The following PDE4D variants were observed in gnomAD, a reference collection of about 807,000 sequenced individuals.
PDE4D encodes the protein 3',5'-cyclic-AMP phosphodiesterase 4D.
In PDE4D, 24 loss-of-function variants were observed where a neutral mutation model predicts 87.4. The observed-to-expected ratio is 0.27, with a 90% confidence interval of 0.20 to 0.39. The LOEUF is 0.39. Ranked by LOEUF, PDE4D falls within the 10% of genes least tolerant of loss-of-function variation. The pLI, the probability that PDE4D is intolerant of heterozygous loss-of-function variation, is 1.00. For synonymous variants in PDE4D, 384 were observed against 383.2 expected, an observed-to-expected ratio of 1.00 and a Z score of -0.02; for missense variants, 714 against 1,041.0, an observed-to-expected ratio of 0.69 and a Z score of 4.32.
At chr5:60,375,517 G>C (rs1369398583) in intron 1 of PDE4D, among the ~76,000 whole-genome samples, 1 of 152,164 alleles carries the variant, frequency 6.6e-6, no homozygotes, top group Non-Finnish European at 1.5e-5. Flanking sequence ...ATCATTTATT[G>C]AGTACTTAAT....
At chr5:59,691,267 A>C in intron 1 of PDE4D, among the ~76,000 whole-genome samples, 1 of 152,192 alleles carries the variant, frequency 6.6e-6, no homozygotes, top group East Asian at 1.9e-4. Context: ...AGACACATGC[A>C]CATGTATGTT....
chr5:59,759,890 T>C (rs2150771001), intron 1 of PDE4D, among the ~76,000 whole-genome samples: 1 of 152,268 alleles, frequency 6.6e-6, no homozygotes, highest in East Asian at 1.9e-4. Context: ...CGGGTATTAT[T>C]ACCATAAGAG....
chr5:59,041,870 T>C (rs1350909887), intron 5 of PDE4D, among the ~76,000 whole-genome samples: 1 of 152,242 alleles, frequency 6.6e-6, no homozygotes, highest in Non-Finnish European at 1.5e-5. Flanking sequence ...TTTTGGCTAA[T>C]GCTTCAAGAC....
intron 1 of PDE4D, among the ~76,000 whole-genome samples, chr5:59,521,680 G>A (rs1311597592): frequency 1.3e-5 from 2 of 152,044 alleles, no homozygotes; most frequent in African/African-American, 4.8e-5. Context: ...ATAACTTCCT[G>A]GTTAATTCTT....
chr5:59,301,826 C>T (rs1770314727), intron 1 of PDE4D, among the ~76,000 whole-genome samples: 1 of 152,064 alleles, frequency 6.6e-6, no homozygotes, highest in Non-Finnish European at 1.5e-5. Flanking sequence ...ATGCAATTGT[C>T]AGGGGCCTCC....
At chr5:60,192,558 C>A (rs1000648792) in intron 1 of PDE4D, among the ~76,000 whole-genome samples, 13 of 151,946 alleles carry the variant, frequency 8.6e-5, no homozygotes, top group Non-Finnish European at 1.0e-4. Context: ...AATATGAGAA[C>A]CTTCATGATG....
intron 1 of PDE4D, 68 bp downstream of exon 1, chr5:59,893,100 G>C (rs1751199742): frequency 6.9e-7 from 1 of 1,450,322 alleles, no homozygotes; most frequent in African/African-American, 1.4e-5. Context: ...AGCCGACTTA[G>C]ATGGAGTATT....
intron 1 of PDE4D, among the ~76,000 whole-genome samples, chr5:60,245,542 T>C (rs190398831): frequency 6.6e-6 from 1 of 152,010 alleles, no homozygotes; most frequent in East Asian, 1.9e-4. Context: ...CATTAGCAGA[T>C]TAATGGATAA....
chr5:59,361,078 A>C (rs952253185), intron 1 of PDE4D, among the ~76,000 whole-genome samples: 2 of 152,130 alleles, frequency 1.3e-5, no homozygotes, highest in Admixed American at 6.6e-5. Flanking sequence ...TTTTTTTAGC[A>C]ATTTGGAAAA....
chr5:59,818,397 A>G (rs918046852), intron 1 of PDE4D, among the ~76,000 whole-genome samples: 3 of 152,230 alleles, frequency 2.0e-5, no homozygotes, highest in African/African-American at 7.2e-5. Context: ...TCAGTGCTCA[A>G]TAAATAGTAG....
chr5:60,100,424 G>T (rs991621113), intron 2 of PDE4D, among the ~76,000 whole-genome samples: 1 of 151,894 alleles, frequency 6.6e-6, no homozygotes, highest in Non-Finnish European at 1.5e-5. Flanking sequence ...AATTTAGGAA[G>T]GAAGAGATAA....
At chr5:60,173,538 A>G (rs1338003229) in intron 2 of PDE4D, among the ~76,000 whole-genome samples, 2 of 151,990 alleles carry the variant, frequency 1.3e-5, no homozygotes, top group Admixed American at 6.6e-5. Context: ...TGAATTATGA[A>G]TGATGGCTGT....
At chr5:59,944,714 T>C (rs552642417) in intron 3 of PDE4D, among the ~76,000 whole-genome samples, 12 of 152,224 alleles carry the variant, frequency 7.9e-5, no homozygotes, top group Non-Finnish European at 1.6e-4. Context: ...ATTCACCCTT[T>C]ACTTAATGAT....
At chr5:59,382,445 G>A (rs1786071701) in intron 1 of PDE4D, among the ~76,000 whole-genome samples, 1 of 152,064 alleles carries the variant, frequency 6.6e-6, no homozygotes, top group Non-Finnish European at 1.5e-5. Flanking sequence ...TCTCAAATCA[G>A]AGGATATTTT....
chr5:60,330,733 G>A (rs1583442245), intron 1 of PDE4D, among the ~76,000 whole-genome samples: 1 of 152,210 alleles, frequency 6.6e-6, no homozygotes, highest in Non-Finnish European at 1.5e-5. Context: ...GACTACAGAA[G>A]CATATATGGT....
At chr5:60,389,747 G>A (rs1196806401) in intron 1 of PDE4D, among the ~76,000 whole-genome samples, 1 of 152,028 alleles carries the variant, frequency 6.6e-6, no homozygotes, top group East Asian at 1.9e-4. Flanking sequence ...GCTGGGTTCT[G>A]GGAGCAAGCC....
At chr5:59,440,015 C>T (rs951674225) in intron 1 of PDE4D, among the ~76,000 whole-genome samples, 2 of 152,128 alleles carry the variant, frequency 1.3e-5, no homozygotes, top group Admixed American at 6.5e-5. Context: ...CTAACGTCAC[C>T]TAGAGCTTAA....
At chr5:60,377,966 G>A (rs982644529) in intron 1 of PDE4D, among the ~76,000 whole-genome samples, 2 of 152,088 alleles carry the variant, frequency 1.3e-5, no homozygotes, top group African/African-American at 2.4e-5. Context: ...GTCTCTTTCT[G>A]ACCTGGCTCC....
rs748480243 is a variant in PDE4D at position 60,330,661 on chromosome 5, C to G, written c.-89-144974G>C. Among the ~76,000 whole-genome samples, 102 of 152,344 alleles carry G rather than the reference C, an allele frequency of 6.7e-4. No individual in the cohort carries two copies. The Middle Eastern group carries it at 0.01, about 15-fold the overall frequency. ...TGAGAAACAGGCATTCTCACAACTT[C>G]TTGAATCACCTTAATACTCAGAGTT... On this transcript the variant is annotated intron_variant, in intron 1 of 16. Transcript: ENST00000502484.
Sources: allele counts gnomAD v4.1 joint callset (sites outside exome capture counted in the v4.1 genomes callset), GRCh38; gene constraint gnomAD v4.1.1; transcripts MANE v1.5; gene names NCBI Gene and HGNC (gene_info 2026-07-23, HGNC 2026-07-21).